Variants in SLC22A3 observed in about 807,000 individuals in gnomAD.
SLC22A3 encodes the protein solute carrier family 22 member 3.
SLC22A3 carries 51 observed loss-of-function variants against 59.1 expected under a neutral mutation model. The observed-to-expected ratio is 0.86, with a 90% CI of 0.69 to 1.09. The LOEUF is 1.09. Among genes scored for constraint, SLC22A3 ranks in the 50% least tolerant of loss-of-function variants. The pLI, the probability that SLC22A3 is intolerant of heterozygous loss-of-function variation, is 0.00. For missense variants in SLC22A3, 711 were observed against 726.3 expected (o/e 0.98, Z 0.24); for synonymous variants, 325 against 292.0 (o/e 1.11, Z -1.15).
intron 1 of SLC22A3, among the ~76,000 whole-genome samples, chr6:160,376,593 G>T (rs6905958): frequency 0.47 from 70,920 of 151,902 alleles, 16,829 homozygotes; most frequent in East Asian, 0.56. Context: ...TTGTGATTAG[G>T]CATCTACCTG....
At chr6:160,450,952 A>G (rs1339737157) in intron 10 of SLC22A3, 44 bp from the exon 11 acceptor site, 1 of 1,519,344 alleles carries the variant, frequency 6.6e-7, no homozygotes, top group South Asian at 1.2e-5. Context: ...TCTTCTAACT[A>G]GTTACATAAT....
At chr6:160,355,596 C>CCA (rs1784807797) in intron 1 of SLC22A3, among the ~76,000 whole-genome samples, 1 of 111,914 alleles carries the variant, frequency 8.9e-6, no homozygotes, top group Admixed American at 8.6e-5. Context: ...CCCGTCTCTA[C>CCA]TAAAAAAAAA....
intron 1 of SLC22A3, among the ~76,000 whole-genome samples, chr6:160,389,516 A>ACTT (rs1786163282): frequency 6.6e-6 from 1 of 152,194 alleles, no homozygotes; most frequent in African/African-American, 2.4e-5. Flanking sequence ...CACTGGAGCA[A>ACTT]GTAAGGGGTG....
In SLC22A3 at chr6:160,410,761, C is replaced by T. The variant is rs1787213574; in HGVS notation, c.890C>T (p.Thr297Ile). ...CCTGAGTCTCCCCGTTGGCTGATTA[C>T]TCGGAAGAAAGGAGATAAAGCATTA... is the stretch of plus-strand genomic sequence containing the variant. ...VVPESPRWLI[T>I]RKKGDKALQI... The change falls in exon 5 of 11, where the codon ACT (threonine) becomes ATT (isoleucine). Residue 297 changes from threonine (T) to isoleucine (I), a missense_variant. Thr to Ile is a moderately conservative substitution (Grantham distance 89). Coordinates refer to ENST00000275300, the MANE Select transcript of SLC22A3 (RefSeq NM_021977.4). The T allele has an allele frequency of 6.2e-7, 1 of 1,613,240 alleles. No homozygotes were observed. The highest frequency in any genetic ancestry group is 8.5e-7 in the Non-Finnish European group (1 of 1,179,470).
chr6:160,381,876 T>C (rs1393997004), intron 1 of SLC22A3, among the ~76,000 whole-genome samples: 1 of 152,212 alleles, frequency 6.6e-6, no homozygotes, highest in Non-Finnish European at 1.5e-5. Flanking sequence ...TTAGTTATAT[T>C]TCTAGTGAGT....
chr6:160,354,237 C>T (rs1403378173), intron 1 of SLC22A3, among the ~76,000 whole-genome samples: 1 of 152,192 alleles, frequency 6.6e-6, no homozygotes, highest in Admixed American at 6.5e-5. Context: ...TGTCCTAAAT[C>T]CCAGCTCCTC....
At position 160,451,815 on chromosome 6, in the gene SLC22A3, T is replaced by C. The variant is rs1039070069; in HGVS notation, c.*759T>C. 6.6e-6 allele frequency: 1 copy of C among 152,234 alleles called. No individual in the cohort carries two copies. Among genetic ancestry groups the C allele is most frequent in the East Asian group, 1.9e-4 (1 of 5,200 alleles). The allele number at this position is 152,234 out of a possible 1,614,324, so 9.4% of individuals were successfully genotyped here. A position where few individuals can be genotyped will look rare whatever the true frequency, so the allele number is the denominator to read the frequency against. On this transcript the variant is annotated 3_prime_UTR_variant, in exon 11 of 11. Coordinates refer to ENST00000275300, the MANE Select transcript of SLC22A3 (RefSeq NM_021977.4). ...ATTTGGGACATTTTTGGCTCTCCTT[T>C]AGTGGACACCTAGAGCCACAGATTC... is the stretch of plus-strand genomic sequence containing the variant.
At chr6:160,389,576 A>T (rs1786165882) in intron 1 of SLC22A3, among the ~76,000 whole-genome samples, 1 of 151,944 alleles carries the variant, frequency 6.6e-6, no homozygotes, top group Non-Finnish European at 1.5e-5. Flanking sequence ...TGTCCACTTG[A>T]CTCTGTGACA....
chr6:160,365,971 G>A (rs7755868), intron 1 of SLC22A3, among the ~76,000 whole-genome samples: 8,491 of 152,162 alleles, frequency 0.056, 678 homozygotes, highest in African/African-American at 0.18. Flanking sequence ...GAGAACAGCA[G>A]CATGGGGTAA....
chr6:160,349,455 A>G (rs1232570746), intron 1 of SLC22A3, among the ~76,000 whole-genome samples: 1 of 151,256 alleles, frequency 6.6e-6, no homozygotes, highest in Non-Finnish European at 1.5e-5. Flanking sequence ...TAAGTTGGGA[A>G]AACTGAAGTA....
Position 160,410,749 on chromosome 6 carries a change from G to C in SLC22A3, c.878G>C (p.Arg293Pro). 1 of 1,612,848 alleles carries C rather than the reference G, an allele frequency of 6.2e-7. No individual in the cohort carries two copies. The highest frequency in any genetic ancestry group is 8.5e-7 in the Non-Finnish European group (1 of 1,179,188). ...GCCAGGGTGGTCCCTGAGTCTCCCC[G>C]TTGGCTGATTACTCGGAAGAAAGGA... The part of the protein sequence containing the change: ...LYYWVVPESP[R>P]WLITRKKGDK... The change falls in exon 5 of 11, where the codon CGT becomes CCT. Residue 293 changes from arginine to proline, a missense_variant. Arg to Pro is a moderately radical substitution (Grantham distance 103). Transcript: ENST00000275300.
At chr6:160,421,751 A>G (rs1787749136) in intron 5 of SLC22A3, among the ~76,000 whole-genome samples, 1 of 152,162 alleles carries the variant, frequency 6.6e-6, no homozygotes, top group African/African-American at 2.4e-5. Flanking sequence ...AATAGAAAAG[A>G]GGAGTGAGTT....
chr6:160,390,723 G>A (rs1786222276), intron 1 of SLC22A3, among the ~76,000 whole-genome samples: 1 of 152,148 alleles, frequency 6.6e-6, no homozygotes, highest in Non-Finnish European at 1.5e-5. Flanking sequence ...TATCTTCCTT[G>A]TTGTTTTATT....
intron 9 of SLC22A3, 96 bp from the exon 10 acceptor site, chr6:160,447,623 A>G: frequency 2.0e-6 from 2 of 1,001,314 alleles, no homozygotes; most frequent in Non-Finnish European, 3.2e-6. Flanking sequence ...GAGCTACTCC[A>G]GTGAGCAACA....
intron 1 of SLC22A3, among the ~76,000 whole-genome samples, chr6:160,397,005 A>T (rs1000515758): frequency 2.6e-5 from 4 of 152,212 alleles, no homozygotes; most frequent in African/African-American, 9.6e-5. Context: ...CAAATTTCAG[A>T]CTATTAAAGA....
At chr6:160,395,239 G>T (rs1210202990) in intron 1 of SLC22A3, among the ~76,000 whole-genome samples, 2 of 152,306 alleles carry the variant, frequency 1.3e-5, no homozygotes, top group East Asian at 3.9e-4. Context: ...TTATATTAAA[G>T]AATATTTTAT....
chr6:160,409,013 T>TTA, intron 4 of SLC22A3, 92 bp downstream of exon 4: 73 of 1,017,416 alleles, frequency 7.2e-5, no homozygotes, highest in Non-Finnish European at 8.6e-5. Flanking sequence ...AAAGAAAATT[T>TTA]TCTTTTTTTT....
At chr6:160,412,235 C>A (rs1280327068) in intron 5 of SLC22A3, among the ~76,000 whole-genome samples, 1 of 152,086 alleles carries the variant, frequency 6.6e-6, no homozygotes, top group Non-Finnish European at 1.5e-5. Context: ...TGGAGACGAG[C>A]ACCTGTAATT....
intron 9 of SLC22A3, among the ~76,000 whole-genome samples, chr6:160,447,356 G>C (rs1036161419): frequency 2.6e-5 from 4 of 152,262 alleles, no homozygotes; most frequent in Non-Finnish European, 1.5e-5. Flanking sequence ...AGGTAAGTGA[G>C]AGTGTCAGTG....
Sources: allele counts gnomAD v4.1 joint callset (sites outside exome capture counted in the v4.1 genomes callset), GRCh38; gene constraint gnomAD v4.1.1; transcripts MANE v1.5; gene names NCBI Gene and HGNC (gene_info 2026-07-23, HGNC 2026-07-21).